Variants in COL24A1 observed in about 807,000 individuals in gnomAD.
COL24A1 encodes collagen type XXIV alpha 1 chain, also known as collagen alpha-1(XXIV) chain.
Under a neutral mutation model 253.9 loss-of-function variants are expected in COL24A1, and 224 were observed. That is an observed-to-expected ratio of 0.88 (90% CI 0.79 to 0.99). The LOEUF is 0.99. COL24A1 is among the 50% of genes least tolerant of loss of function. The pLI is 0.00. For synonymous variants in COL24A1, 685 were observed against 673.7 expected, an observed-to-expected ratio of 1.02 and a Z score of -0.26; for missense variants, 2,131 against 2,068.5, an observed-to-expected ratio of 1.03 and a Z score of -0.59.
At chr1:85,908,566 G>A (rs369145250) in intron 27 of COL24A1, 32 bp downstream of exon 27, 8 of 1,235,708 alleles carry the variant, frequency 6.5e-6, no homozygotes, top group African/African-American at 4.7e-5. Context: ...TAAACATTCC[G>A]GAAGGAATCA....
At position 85,877,156 on chromosome 1, in the gene COL24A1, C is replaced by A; in HGVS notation, c.2996G>T (p.Gly999Val). The A allele has an allele frequency of 6.2e-7, 1 of 1,606,170 alleles. No homozygotes were observed. Among genetic ancestry groups the A allele is most frequent in the East Asian group, 2.2e-5 (1 of 44,486 alleles). The change falls in exon 33 of 60, where the codon GGT becomes GTT. Residue 999 changes from glycine (G) to valine (V), a missense_variant. By Grantham distance (109) the Gly-to-Val change is moderately radical. Transcript: ENST00000370571. ...CATTTCTCCAGGAGGTCCAACATCACCTTGCAGTCCTCGCAGTCCCTATAT... is the reference window on the plus strand; with the variant it reads ...CATTTCTCCAGGAGGTCCAACATCAACTTGCAGTCCTCGCAGTCCCTATAT... Reference protein sequence around the residue: ...PGEPGLRGLQGDVGPPGEMGM... With the variant: ...PGEPGLRGLQVDVGPPGEMGM...
intron 10 of COL24A1, among the ~76,000 whole-genome samples, chr1:86,054,647 G>A (rs940739364): frequency 6.6e-6 from 1 of 152,052 alleles, no homozygotes; most frequent in East Asian, 1.9e-4. Context: ...AATAACAGAT[G>A]TTGATGAGGT....
intron 2 of COL24A1, among the ~76,000 whole-genome samples, chr1:86,133,071 T>A (rs1649548907): frequency 1.3e-5 from 2 of 152,184 alleles, no homozygotes; most frequent in Non-Finnish European, 2.9e-5. Context: ...GTCCTTCGCA[T>A]CCCTTGTAAG....
chr1:86,126,011 A>G lies in COL24A1; in HGVS notation c.325T>C (p.Leu109=). 1.9e-6 allele frequency: 3 copies of G among 1,613,658 alleles called. No individual in the cohort carries two copies. The highest frequency in any genetic ancestry group is 2.5e-6 in the Non-Finnish European group (3 of 1,179,792). ...PVNLGQPFTI[L]TGLQSHRVNN... is the part of the protein sequence containing the mutation. ...ACCCGATGTGACTGTAACCCAGTTA[A>G]TATTGTAAACGGCTGCCCCAAGTTG... Residue 109 remains leucine, a synonymous_variant, in exon 3 of 60, where the codon TTA becomes CTA. Coordinates refer to ENST00000370571, the MANE Select transcript of COL24A1 (RefSeq NM_152890.7).
At chr1:85,976,856 T>C (rs1026175913) in intron 20 of COL24A1, among the ~76,000 whole-genome samples, 1 of 152,186 alleles carries the variant, frequency 6.6e-6, no homozygotes, top group Admixed American at 6.5e-5. Context: ...TTCCACTGAC[T>C]GCAACACCCT....
intron 5 of COL24A1, among the ~76,000 whole-genome samples, chr1:86,093,613 T>C (rs1209065572): frequency 6.6e-6 from 1 of 151,744 alleles, no homozygotes; most frequent in African/African-American, 2.4e-5. Flanking sequence ...CCAAAGGCAA[T>C]CGCAAAAAAA....
chr1:86,005,514 G>A (rs937274693), intron 19 of COL24A1, among the ~76,000 whole-genome samples: 1 of 151,940 alleles, frequency 6.6e-6, no homozygotes, highest in Non-Finnish European at 1.5e-5. Flanking sequence ...AAATTGAAAT[G>A]ACAAAATACC....
intron 6 of COL24A1, 108 bp downstream of exon 6, chr1:86,092,157 CAT>C: frequency 1.3e-6 from 1 of 769,076 alleles, no homozygotes; most frequent in Middle Eastern, 3.9e-4. Flanking sequence ...AATTAATTCT[CAT>C]GTTTTTTTCC....
At chr1:86,036,691 A>C (rs1486301150) in intron 12 of COL24A1, among the ~76,000 whole-genome samples, 1 of 152,168 alleles carries the variant, frequency 6.6e-6, no homozygotes, top group African/African-American at 2.4e-5. Flanking sequence ...TTGCCAAAAA[A>C]TGGTCTTCAA....
At chr1:85,730,746 A>C in intron 59 of COL24A1, 54 bp from the exon 60 acceptor site, 1 of 1,569,540 alleles carries the variant, frequency 6.4e-7, no homozygotes, top group Non-Finnish European at 8.7e-7. Context: ...AGTCACTTTC[A>C]GTAGACAATG....
chr1:85,925,161 T>G (rs561670554), intron 24 of COL24A1, among the ~76,000 whole-genome samples: 2,286 of 151,956 alleles, frequency 0.015, 49 homozygotes, highest in African/African-American at 0.052. Flanking sequence ...CACTGAACAA[T>G]GAAATAAAAG....
chr1:85,734,941 G>C lies in COL24A1; in HGVS notation c.4806C>G (p.Val1602=). 1.9e-6 allele frequency: 3 copies of C among 1,614,144 alleles called. No individual in the cohort carries two copies. The highest frequency in any genetic ancestry group is 2.5e-6 in the Non-Finnish European group (3 of 1,180,002). The change falls in exon 59 of 60, where the codon GTC becomes GTG. Residue 1602 remains valine (V), a synonymous_variant. Transcript: ENST00000370571. The stretch of plus-strand genomic sequence containing the variant: ...TCAGTAAATGAAGGAAGTTCATCTG[G>C]ACTTTCCCAACTCCAAACTCCAACT... ...VTKLEFGVGK[V]QMNFLHLLSS... is the part of the protein sequence containing the mutation.
chr1:85,802,825 G>A (rs1229375838), intron 47 of COL24A1, among the ~76,000 whole-genome samples: 3 of 152,052 alleles, frequency 2.0e-5, no homozygotes, highest in Non-Finnish European at 4.4e-5. Flanking sequence ...TATACAAGTG[G>A]AACCAAACAG....
At chr1:85,997,763 G>GA (rs56060135) in intron 19 of COL24A1, among the ~76,000 whole-genome samples, 10,743 of 135,906 alleles carry the variant, frequency 0.079, 440 homozygotes, top group Middle Eastern at 0.14. Context: ...CCTGGCTACA[G>GA]AAAAAAAAAA....
chr1:86,058,378 T>A (rs947627525), intron 9 of COL24A1, among the ~76,000 whole-genome samples: 4 of 151,236 alleles, frequency 2.6e-5, no homozygotes, highest in Admixed American at 1.3e-4. Context: ...ATATTCATGT[T>A]TTATATTTAT....
intron 22 of COL24A1, among the ~76,000 whole-genome samples, chr1:85,966,534 C>G (rs12401802): frequency 0.12 from 17,931 of 152,044 alleles, 1,214 homozygotes; most frequent in South Asian, 0.28. Context: ...GAGAAATCCA[C>G]AGGCCAATCT....
At chr1:86,065,650 G>T (rs1478405523) in intron 7 of COL24A1, among the ~76,000 whole-genome samples, 1 of 151,814 alleles carries the variant, frequency 6.6e-6, no homozygotes, top group African/African-American at 2.4e-5. Context: ...AAAACAAGCT[G>T]GGCCAGGCAA....
intron 19 of COL24A1, among the ~76,000 whole-genome samples, chr1:85,988,332 T>C (rs1693922018): frequency 6.6e-6 from 1 of 152,000 alleles, no homozygotes; most frequent in African/African-American, 2.4e-5. Context: ...GATTTTACTT[T>C]TTTGGAAATT....
chr1:86,023,172 T>C (rs1697717270), intron 14 of COL24A1, among the ~76,000 whole-genome samples, 165 bp from the exon 15 acceptor site: 1 of 152,204 alleles, frequency 6.6e-6, no homozygotes, highest in South Asian at 2.1e-4. Flanking sequence ...TTATAAATCA[T>C]ACCAATATTT....
Sources: allele counts gnomAD v4.1 joint callset (sites outside exome capture counted in the v4.1 genomes callset), GRCh38; gene constraint gnomAD v4.1.1; transcripts MANE v1.5; gene names NCBI Gene and HGNC (gene_info 2026-07-23, HGNC 2026-07-21).